Variants in PRSS23 observed in about 807,000 individuals in gnomAD.
PRSS23 encodes the protein protease, serine 23.
PRSS23 carries 25 observed loss-of-function variants against 34.7 expected under a neutral mutation model. That is an observed-to-expected ratio of 0.72 (90% CI 0.53 to 1.01). The LOEUF (loss-of-function observed/expected upper bound fraction) is 1.01, where lower values mean the gene tolerates loss of function less well. Ranked by LOEUF, PRSS23 falls within the 50% of genes least tolerant of loss-of-function variation. The pLI is 0.00. For synonymous variants in PRSS23, 176 were observed against 186.6 expected (o/e 0.94, Z 0.46); for missense variants, 445 against 475.6 (o/e 0.94, Z 0.60).
downstream of PRSS23, among the ~76,000 whole-genome samples, chr11:86,815,673 T>C (rs1402400880): frequency 2.0e-5 from 3 of 152,226 alleles, no homozygotes; most frequent in Admixed American, 6.5e-5. Flanking sequence ...CTGAGTTCTG[T>C]TCTTCTGTGT....
chr11:86,862,804 T>C (rs1948625046), intron 2 of PRSS23, among the ~76,000 whole-genome samples: 1 of 151,906 alleles, frequency 6.6e-6, no homozygotes, highest in Non-Finnish European at 1.5e-5. Flanking sequence ...CTCCATGATA[T>C]TATTCATAAT....
intron 2 of PRSS23, among the ~76,000 whole-genome samples, chr11:86,864,915 T>G (rs1948640306): frequency 1.3e-5 from 2 of 152,226 alleles, no homozygotes; most frequent in Non-Finnish European, 2.9e-5. Flanking sequence ...AAGTGTGATC[T>G]TCCTGTCTAC....
intron 2 of PRSS23, among the ~76,000 whole-genome samples, chr11:86,828,313 C>A (rs1201843775): frequency 6.6e-6 from 1 of 152,062 alleles, no homozygotes; most frequent in Non-Finnish European, 1.5e-5. Flanking sequence ...ACTAGGATTG[C>A]AACCCCTGCC....
chr11:86,835,537 T>C (rs1158687771), intron 2 of PRSS23, among the ~76,000 whole-genome samples: 1 of 152,236 alleles, frequency 6.6e-6, no homozygotes, highest in Non-Finnish European at 1.5e-5. Flanking sequence ...TAAATGGGTA[T>C]TGGCTTTTTG....
intron 2 of PRSS23, among the ~76,000 whole-genome samples, chr11:86,860,022 C>T (rs1014687302): frequency 6.6e-6 from 1 of 151,780 alleles, no homozygotes; most frequent in Non-Finnish European, 1.5e-5. Flanking sequence ...TCCTAATATC[C>T]AAAGGGGGAG....
intron 2 of PRSS23, among the ~76,000 whole-genome samples, chr11:86,847,939 G>T (rs1948499971): frequency 6.6e-6 from 1 of 152,152 alleles, no homozygotes; most frequent in South Asian, 2.1e-4. Context: ...CATATTCAGG[G>T]CCTCTTCCCT....
At chr11:86,814,253 G>A (rs186041581), downstream of PRSS23, among the ~76,000 whole-genome samples, 1 of 152,256 alleles carries the variant, frequency 6.6e-6, no homozygotes, top group East Asian at 1.9e-4. Context: ...AAACCACAGA[G>A]AAATAATATC....
chr11:86,891,423 A>G (rs12225381), intron 2 of PRSS23, among the ~76,000 whole-genome samples: 14,196 of 152,138 alleles, frequency 0.093, 725 homozygotes, highest in East Asian at 0.2. Context: ...CATCTGGGAA[A>G]GGTACCAGTG....
intron 2 of PRSS23, among the ~76,000 whole-genome samples, chr11:86,879,747 C>G (rs1294908103): frequency 1.9e-4 from 23 of 123,982 alleles, no homozygotes; most frequent in South Asian, 2.7e-4. Flanking sequence ...CCCGCCCGGC[C>G]AGCCGCCCCG....
intron 2 of PRSS23, among the ~76,000 whole-genome samples, chr11:86,838,422 C>T (rs1468410157): frequency 6.6e-6 from 1 of 152,156 alleles, no homozygotes; most frequent in East Asian, 1.9e-4. Flanking sequence ...GGGGCATCTG[C>T]CATTGCTGAG....
intron 2 of PRSS23, among the ~76,000 whole-genome samples, chr11:86,886,896 C>T (rs974221114): frequency 2.0e-5 from 3 of 152,056 alleles, no homozygotes; most frequent in Non-Finnish European, 1.5e-5. Flanking sequence ...GAGCTGAGAT[C>T]GCGCCACTGC....
intron 2 of PRSS23, among the ~76,000 whole-genome samples, chr11:86,943,105 C>T (rs1033140255): frequency 1.2e-4 from 18 of 152,248 alleles, no homozygotes; most frequent in African/African-American, 4.3e-4. Flanking sequence ...GCACACAGAG[C>T]TCCCATTGGG....
At position 86,808,419 on chromosome 11, in the gene PRSS23, A is replaced by C. The variant is rs773501592; in HGVS notation, c.776A>C (p.Lys259Thr). 6.2e-7 allele frequency: 1 copy of C among 1,614,160 alleles called. No individual in the cohort carries two copies. Among genetic ancestry groups the C allele is most frequent in the African/African-American group, 1.3e-5 (1 of 75,032 alleles). ...GAACTCAAAAAGCCCCACAAGAGAA[A>C]ATTTATGAAGATTGGGGTGAGCCCT... The part of the protein sequence containing the change: ...LLELKKPHKR[K>T]FMKIGVSPPA... Residue 259 changes from lysine to threonine, a missense_variant, in exon 2 of 2, where the codon AAA becomes ACA. By Grantham distance (78) the Lys-to-Thr change is moderately conservative. Transcript: ENST00000280258.
chr11:86,934,975 A>T (rs1949151592), intron 2 of PRSS23: 1 of 152,250 alleles, frequency 6.6e-6, no homozygotes, highest in South Asian at 2.1e-4. Flanking sequence ...TTTTGACTCA[A>T]AACAAATAAA....
At chr11:86,912,101 T>C (rs1198274453) in intron 2 of PRSS23, 2 of 152,178 alleles carry the variant, frequency 1.3e-5, no homozygotes, top group Non-Finnish European at 2.9e-5. Flanking sequence ...AAAATGTTTT[T>C]GTATATGCAT....
chr11:86,899,255 A>G (rs1435894606), intron 2 of PRSS23, among the ~76,000 whole-genome samples: 1 of 152,106 alleles, frequency 6.6e-6, no homozygotes, highest in Non-Finnish European at 1.5e-5. Context: ...GTGGCTTCTC[A>G]CACCTGTAAT....
intron 2 of PRSS23, among the ~76,000 whole-genome samples, chr11:86,899,816 G>A (rs1336771349): frequency 5.4e-5 from 8 of 148,362 alleles, no homozygotes; most frequent in East Asian, 2.0e-4. Context: ...AAGTCCGGCC[G>A]CGAGACCCCA....
intron 2 of PRSS23, among the ~76,000 whole-genome samples, chr11:86,878,278 C>T (rs1056142529): frequency 6.7e-6 from 1 of 148,872 alleles, no homozygotes; most frequent in Non-Finnish European, 1.5e-5. Context: ...CGGTCTCCCT[C>T]TCCCTCTCTT....
chr11:86,866,331 TG>T (rs1294041601), intron 2 of PRSS23, among the ~76,000 whole-genome samples: 1 of 151,610 alleles, frequency 6.6e-6, no homozygotes, highest in African/African-American at 2.4e-5. Context: ...AGTACAGGGG[TG>T]GGGAGCTGCA....
Sources: gnomAD v4.1 joint callset for allele counts (sites outside exome capture counted in the v4.1 genomes callset) on GRCh38, gnomAD v4.1.1 for gene constraint, MANE v1.5 for transcripts, NCBI Gene and HGNC (gene_info 2026-07-23, HGNC 2026-07-21) for gene names.